CDKAL1: variants seen among roughly 807,000 people sequenced by gnomAD.
CDKAL1 encodes threonylcarbamoyladenosine tRNA methylthiotransferase.
In CDKAL1, 32 loss-of-function variants were observed where a neutral mutation model predicts 68.2. That is an observed-to-expected ratio of 0.47 (90% CI 0.35 to 0.63). The LOEUF (loss-of-function observed/expected upper bound fraction) is 0.63, where lower values mean the gene tolerates loss of function less well. Among genes scored for constraint, CDKAL1 ranks in the 30% least tolerant of loss-of-function variants. CDKAL1 has a pLI of 0.00. For synonymous variants in CDKAL1, 234 were observed against 244.3 expected (o/e 0.96, Z 0.39); for missense variants, 606 against 696.7 (o/e 0.87, Z 1.47).
At chr6:20,789,842 A>T (rs1007122587) in intron 8 of CDKAL1, among the ~76,000 whole-genome samples, 2 of 152,240 alleles carry the variant, frequency 1.3e-5, no homozygotes, top group Admixed American at 6.5e-5. Context: ...ATGCTTTTAC[A>T]GTTGAGAAAG....
At position 20,706,171 on chromosome 6, in the gene CDKAL1, G is replaced by A. The variant is rs190838086; in HGVS notation, c.372-33348G>A. Among the ~76,000 whole-genome samples, 6 of 152,268 alleles carry A rather than the reference G, an allele frequency of 3.9e-5. No homozygotes were observed. The East Asian group carries it at 1.2e-3, about 29-fold the overall frequency. Reference sequence around the variant, plus strand: ...CCCTCTCTATGGAAAGCCCTATGGTGCTACCCATCAAGATTCCTTTGCCTT... The same window carrying A: ...CCCTCTCTATGGAAAGCCCTATGGTACTACCCATCAAGATTCCTTTGCCTT... On this transcript the variant is annotated intron_variant, in intron 5 of 15. Transcript: ENST00000274695.
chr6:21,095,545 T>C (rs1773271695), intron 12 of CDKAL1, among the ~76,000 whole-genome samples: 1 of 152,174 alleles, frequency 6.6e-6, no homozygotes, highest in Non-Finnish European at 1.5e-5. Flanking sequence ...TGTAATTTCC[T>C]AGCCTCTTGG....
intron 9 of CDKAL1, among the ~76,000 whole-genome samples, chr6:20,951,083 T>C (rs1442987654): frequency 6.6e-6 from 1 of 152,222 alleles, no homozygotes; most frequent in East Asian, 1.9e-4. Flanking sequence ...GTACTTGATG[T>C]AGGTTTCCCT....
At chr6:20,639,021 A>G (rs1768039285) in intron 4 of CDKAL1, among the ~76,000 whole-genome samples, 1 of 152,158 alleles carries the variant, frequency 6.6e-6, no homozygotes, top group Non-Finnish European at 1.5e-5. Context: ...GGGGAATATT[A>G]ATAATGTTCT....
chr6:21,061,922 T>C (rs1200266347), intron 11 of CDKAL1, among the ~76,000 whole-genome samples: 1 of 152,240 alleles, frequency 6.6e-6, no homozygotes, highest in South Asian at 2.1e-4. Context: ...TATAAGTTGC[T>C]ATTCACAGTG....
intron 11 of CDKAL1, among the ~76,000 whole-genome samples, chr6:21,005,003 T>C (rs1033607475): frequency 2.0e-5 from 3 of 152,128 alleles, no homozygotes; most frequent in African/African-American, 4.8e-5. Flanking sequence ...ATGTATCTTA[T>C]ATATTTTACT....
In CDKAL1 at chr6:21,186,502, A is replaced by G. The variant is rs372337166; in HGVS notation, c.1300-11519A>G. Among the ~76,000 whole-genome samples the G allele has an allele frequency of 7.9e-5, 12 of 152,344 alleles. No individual in the cohort carries two copies. In the South Asian group the frequency reaches 1.0e-3, roughly 13 times the overall value. ...GCAGCCACACTGAATGGAAAATGAC[A>G]GATTGGAAAATGTAGATGGCCTCTC... On this transcript the variant is annotated intron_variant, in intron 13 of 15. Transcript: ENST00000274695.
intron 9 of CDKAL1, among the ~76,000 whole-genome samples, chr6:20,943,727 G>A (rs1312105410): frequency 6.6e-6 from 1 of 150,650 alleles, no homozygotes; most frequent in Non-Finnish European, 1.5e-5. Context: ...TTATGTCCTC[G>A]CCTGCTAATT....
Position 20,599,517 on chromosome 6 carries a change from C to T in CDKAL1, c.287-49776C>T. On this transcript the variant is annotated intron_variant, in intron 4 of 15. Coordinates refer to ENST00000274695, the MANE Select transcript of CDKAL1 (RefSeq NM_017774.3). Reference sequence around the variant, plus strand: ...ACTGGGTGCTTTATGCAAATATTACCACCTGTATTTTTTATTTGTGTTTCT... The same window carrying T: ...ACTGGGTGCTTTATGCAAATATTACTACCTGTATTTTTTATTTGTGTTTCT... 2 of 308,920 alleles carry T rather than the reference C, an allele frequency of 6.5e-6. 1 individual carries two copies. Among genetic ancestry groups the T allele is most frequent in the South Asian group, 5.8e-5 (2 of 34,222 alleles). 19.1% of individuals were successfully genotyped at this position (308,920 alleles called of 1,614,324 possible).
intron 8 of CDKAL1, among the ~76,000 whole-genome samples, chr6:20,785,203 A>G (rs952366422): frequency 1.1e-4 from 16 of 152,152 alleles, no homozygotes; most frequent in African/African-American, 3.6e-4. Flanking sequence ...CAGACTGCTA[A>G]TCATCTTCCT....
chr6:20,672,362 TTTTC>T (rs1258914607), intron 5 of CDKAL1, among the ~76,000 whole-genome samples: 2 of 151,620 alleles, frequency 1.3e-5, no homozygotes, highest in African/African-American at 4.8e-5. Context: ...CCTTTCTTTC[TTTTC>T]TTTCTTTTTT....
At chr6:20,645,210 C>A (rs1402991830) in intron 4 of CDKAL1, among the ~76,000 whole-genome samples, 2 of 152,138 alleles carry the variant, frequency 1.3e-5, no homozygotes, top group African/African-American at 4.8e-5. Flanking sequence ...ACCCTGCACC[C>A]TACTGTAGAC....
At chr6:21,100,535 G>A (rs1562031104) in intron 12 of CDKAL1, among the ~76,000 whole-genome samples, 1 of 152,102 alleles carries the variant, frequency 6.6e-6, no homozygotes, top group African/African-American at 2.4e-5. Context: ...AGTAGGGGGT[G>A]AAAAAATATA....
intron 11 of CDKAL1, among the ~76,000 whole-genome samples, chr6:21,017,940 G>A (rs2150854520): frequency 6.6e-6 from 1 of 152,098 alleles, no homozygotes; most frequent in Admixed American, 6.5e-5. Flanking sequence ...ACACTTTTAG[G>A]TCATGTTACC....
intron 8 of CDKAL1, among the ~76,000 whole-genome samples, chr6:20,799,434 T>C (rs930706050): frequency 6.6e-6 from 1 of 152,110 alleles, no homozygotes; most frequent in Non-Finnish European, 1.5e-5. Context: ...ATATGTCACC[T>C]GTGGGTAATA....
At chr6:21,185,778 A>G (rs1777985138) in intron 13 of CDKAL1, among the ~76,000 whole-genome samples, 1 of 152,216 alleles carries the variant, frequency 6.6e-6, no homozygotes, top group Non-Finnish European at 1.5e-5. Flanking sequence ...AGAAATAAAT[A>G]CTAGATCAAT....
chr6:21,177,741 T>C (rs920057047), intron 13 of CDKAL1, among the ~76,000 whole-genome samples: 1 of 151,958 alleles, frequency 6.6e-6, no homozygotes, highest in Non-Finnish European at 1.5e-5. Flanking sequence ...ATTGGTTTTA[T>C]AAGGAAATTG....
intron 4 of CDKAL1, among the ~76,000 whole-genome samples, chr6:20,566,211 TGAAA>T (rs1348757280): frequency 6.6e-6 from 1 of 152,192 alleles, no homozygotes; most frequent in Non-Finnish European, 1.5e-5. Flanking sequence ...ATATTCGTTA[TGAAA>T]GAAAGATCTG....
At chr6:21,095,817 CAT>C (rs1210554792) in intron 12 of CDKAL1, among the ~76,000 whole-genome samples, 4 of 152,066 alleles carry the variant, frequency 2.6e-5, no homozygotes, top group Non-Finnish European at 4.4e-5. Flanking sequence ...ACTCCTTTGT[CAT>C]AAAGGCCAAA....
Sources: allele counts gnomAD v4.1 joint callset (sites outside exome capture counted in the v4.1 genomes callset), GRCh38; gene constraint gnomAD v4.1.1; transcripts MANE v1.5; gene names NCBI Gene and HGNC (gene_info 2026-07-23, HGNC 2026-07-21).